Variants in SEMA6D observed in about 807,000 individuals in gnomAD.
The protein encoded by SEMA6D is semaphorin 6D.
Under a neutral mutation model 106.6 loss-of-function variants are expected in SEMA6D, and 35 were observed. The observed-to-expected ratio is 0.33, with a 90% CI of 0.25 to 0.44. The LOEUF is 0.44. Among genes scored for constraint, SEMA6D ranks in the 20% least tolerant of loss-of-function variants. SEMA6D has a pLI of 1.00. For missense variants in SEMA6D, 1,185 were observed against 1,345.9 expected (o/e 0.88, Z 1.87); for synonymous variants, 499 against 487.7 (o/e 1.02, Z -0.31).
At chr15:47,326,695 G>A (rs1235609623) in intron 1 of SEMA6D, among the ~76,000 whole-genome samples, 1 of 152,192 alleles carries the variant, frequency 6.6e-6, no homozygotes, top group African/African-American at 2.4e-5. Context: ...TGGCTGTTAA[G>A]CACCGCTTGT....
chr15:47,579,195 G>T lies in SEMA6D; in HGVS notation c.-86-21670G>T, dbSNP rs1235763770. On this transcript the variant is annotated intron_variant, in intron 3 of 19. Transcript: ENST00000558014. ...CTCACCCTGTTACCCAGGCTGGAGT[G>T]CAGTGGTGCCATTTCAGCTCACTGC... 2.0e-5 allele frequency among the ~76,000 whole-genome samples: 3 copies of T among 149,444 alleles called. No individual in the cohort carries two copies. In the South Asian group the frequency reaches 6.3e-4, roughly 32 times the overall value.
intron 1 of SEMA6D, among the ~76,000 whole-genome samples, chr15:47,386,474 A>G (rs1390907379): frequency 2.0e-5 from 3 of 152,176 alleles, no homozygotes; most frequent in African/African-American, 7.2e-5. Context: ...TGCTGGGAGA[A>G]ATGTCAGACC....
chr15:47,668,841 C>A (rs1350107593), intron 4 of SEMA6D, among the ~76,000 whole-genome samples: 1 of 152,154 alleles, frequency 6.6e-6, no homozygotes, highest in Non-Finnish European at 1.5e-5. Context: ...TGCGGCAGTA[C>A]CCATCTTCCA....
chr15:47,762,113 C>T (rs75217910), intron 7 of SEMA6D, 87 bp from the exon 8 acceptor site: 47 of 1,447,820 alleles, frequency 3.2e-5, no homozygotes, highest in African/African-American at 1.8e-4. Flanking sequence ...CCAGTGAGAG[C>T]GCTCCAAAGG....
At chr15:47,188,236 C>T (rs1401265299) in intron 1 of SEMA6D, among the ~76,000 whole-genome samples, 1 of 152,114 alleles carries the variant, frequency 6.6e-6, no homozygotes, top group East Asian at 1.9e-4. Context: ...TAACTAAATG[C>T]AACTAGAAAC....
chr15:47,584,480 C>T (rs1013557383), intron 3 of SEMA6D, among the ~76,000 whole-genome samples: 126 of 151,554 alleles, frequency 8.3e-4, no homozygotes, highest in African/African-American at 3.0e-3. Context: ...TGGAAATTTG[C>T]GGAGGTCAGA....
At chr15:47,261,218 T>C (rs943886846) in intron 1 of SEMA6D, among the ~76,000 whole-genome samples, 3 of 152,184 alleles carry the variant, frequency 2.0e-5, no homozygotes, top group African/African-American at 7.2e-5. Context: ...ATTTATTGTC[T>C]AGTGCTCCCC....
intron 1 of SEMA6D, among the ~76,000 whole-genome samples, chr15:47,719,985 A>G (rs2079323359): frequency 6.6e-6 from 1 of 152,230 alleles, no homozygotes; most frequent in Admixed American, 6.5e-5. Flanking sequence ...GAACCTAAAC[A>G]TCTAGAGATA....
At chr15:47,394,064 C>A (rs2145861822) in intron 1 of SEMA6D, among the ~76,000 whole-genome samples, 1 of 152,226 alleles carries the variant, frequency 6.6e-6, no homozygotes, top group Non-Finnish European at 1.5e-5. Context: ...AATCAGTTTG[C>A]TGTCTTCATC....
intron 1 of SEMA6D, among the ~76,000 whole-genome samples, chr15:47,725,156 A>G (rs1042273867): frequency 7.9e-5 from 12 of 152,226 alleles, no homozygotes; most frequent in African/African-American, 2.7e-4. Flanking sequence ...ATAGACACAT[A>G]TTGAAACCAT....
chr15:47,501,567 T>C (rs2043848671), intron 3 of SEMA6D, among the ~76,000 whole-genome samples: 1 of 152,226 alleles, frequency 6.6e-6, no homozygotes, highest in Admixed American at 6.5e-5. Flanking sequence ...ACTAGGTCTA[T>C]ATCTGCCCTT....
chr15:47,224,185 A>C (rs2031456165), intron 1 of SEMA6D, among the ~76,000 whole-genome samples: 1 of 151,702 alleles, frequency 6.6e-6, no homozygotes. Context: ...TAATAAAATA[A>C]AATTAAATTT....
Position 47,351,176 on chromosome 15 carries a change from A to G in SEMA6D, c.-238-61217A>G, listed in dbSNP as rs638309. Among the ~76,000 whole-genome samples, 694 of 152,250 alleles carry G rather than the reference A, an allele frequency of 4.6e-3. 4 individuals are homozygous for G. Among genetic ancestry groups the G allele is most frequent in the African/African-American group, 0.016 (664 of 41,546 alleles). On this transcript the variant is annotated intron_variant, in intron 1 of 19. Transcript: ENST00000558014. ...TCTTTCTCCTCATTTCTATGTGTTT[A>G]TATCATATCTATCCTTAAAGGGTCA...
upstream of SEMA6D, among the ~76,000 whole-genome samples, chr15:47,716,614 G>A (rs991474817): frequency 2.0e-5 from 3 of 152,072 alleles, no homozygotes; most frequent in Admixed American, 6.6e-5. Context: ...AACACAGCCC[G>A]TTCTTGGAAA....
chr15:47,343,087 C>T (rs1458270658), intron 1 of SEMA6D, among the ~76,000 whole-genome samples: 1 of 152,000 alleles, frequency 6.6e-6, no homozygotes, highest in Non-Finnish European at 1.5e-5. Context: ...TGTTGATTTC[C>T]TTTTAATGTA....
intron 1 of SEMA6D, among the ~76,000 whole-genome samples, chr15:47,227,560 C>T (rs867239964): frequency 2.1e-4 from 17 of 82,188 alleles, no homozygotes; most frequent in Admixed American, 4.2e-4. Flanking sequence ...CTCTGTCTCT[C>T]TCTCTCTCTC....
intron 4 of SEMA6D, among the ~76,000 whole-genome samples, chr15:47,682,069 A>T (rs1482990763): frequency 6.6e-6 from 1 of 152,044 alleles, no homozygotes; most frequent in Non-Finnish European, 1.5e-5. Context: ...GATTTAGGGG[A>T]TGTATGTAAA....
intron 1 of SEMA6D, among the ~76,000 whole-genome samples, chr15:47,284,437 C>G (rs946506303): frequency 6.6e-6 from 1 of 152,128 alleles, no homozygotes; most frequent in Admixed American, 6.5e-5. Context: ...TTCCCAAGGT[C>G]CTTTCTAGGT....
chr15:47,563,359 G>A (rs2046134914), intron 3 of SEMA6D, among the ~76,000 whole-genome samples: 1 of 152,042 alleles, frequency 6.6e-6, no homozygotes, highest in Non-Finnish European at 1.5e-5. Context: ...TGAAGAGTTA[G>A]GGGTATAAAT....
Sources: allele counts gnomAD v4.1 joint callset (sites outside exome capture counted in the v4.1 genomes callset), GRCh38; gene constraint gnomAD v4.1.1; transcripts MANE v1.5; gene names NCBI Gene and HGNC (gene_info 2026-07-23, HGNC 2026-07-21).